RMP64: variants seen among roughly 807,000 people sequenced by gnomAD.
RMP64 encodes the protein nucleolus and neural progenitor protein.
At chr3:113,019,487 G>T in the RMP64 span, 2 of 1,444,160 alleles carry the variant, frequency 1.4e-6, no homozygotes, top group South Asian at 1.2e-5. Context: ...CGCCGGCTGG[G>T]CCTGGCGGCC....
At chr3:113,011,240 T>C in the RMP64 span, 2 of 1,613,148 alleles carry the variant, frequency 1.2e-6, no homozygotes, top group Non-Finnish European at 1.7e-6. Context: ...GGCATTTTTT[T>C]CTTAAAGGCT....
At chr3:113,005,492 C>T in the RMP64 span, 1 of 1,268,814 alleles carries the variant, frequency 7.9e-7, no homozygotes, top group South Asian at 1.3e-5. Flanking sequence ...GAACACTGAA[C>T]TAGCCTTGTT....
At chr3:113,005,601 T>C in the RMP64 span, 7 of 1,613,938 alleles carry the variant, frequency 4.3e-6, no homozygotes, top group Non-Finnish European at 5.9e-6. Context: ...CCTGATGTAC[T>C]GTTTTTATTT....
the RMP64 span, chr3:113,010,407 A>C: frequency 4.0e-6 from 2 of 497,934 alleles, no homozygotes; most frequent in Non-Finnish European, 7.1e-6. Context: ...CGGTTACTTT[A>C]AAATTCTAGA....
the RMP64 span, chr3:113,011,628 G>A: frequency 7.6e-4 from 284 of 374,940 alleles, 7 homozygotes; most frequent in South Asian, 0.024. Flanking sequence ...AGTCTACCAG[G>A]AAAGATATAT....
At chr3:113,006,356 C>G in the RMP64 span, among the ~76,000 whole-genome samples, 1 of 152,132 alleles carries the variant, frequency 6.6e-6, no homozygotes, top group African/African-American at 2.4e-5. Flanking sequence ...GAGGAAACAT[C>G]ACAAATGAAA....
At chr3:113,006,900 G>A in the RMP64 span, among the ~76,000 whole-genome samples, 9 of 152,118 alleles carry the variant, frequency 5.9e-5, no homozygotes, top group African/African-American at 1.4e-4. Context: ...GAATAATACT[G>A]TCTACCTCAC....
At chr3:113,019,411 C>CG in the RMP64 span, 1 of 697,268 alleles carries the variant, frequency 1.4e-6, no homozygotes, top group Non-Finnish European at 2.5e-6. Flanking sequence ...TCGACCCCTA[C>CG]GTGCCCCGCG....
the RMP64 span, among the ~76,000 whole-genome samples, chr3:113,013,776 A>C: frequency 3.3e-5 from 5 of 152,220 alleles, no homozygotes; most frequent in African/African-American, 1.2e-4. Flanking sequence ...TCACTCCCAT[A>C]GATCAATGTC....
chr3:113,017,651 T>A, the RMP64 span: 1 of 1,495,898 alleles, frequency 6.7e-7, no homozygotes, highest in Middle Eastern at 1.9e-4. Flanking sequence ...CTACAGTAAG[T>A]ATATTATATT....
chr3:113,005,899 C>G, the RMP64 span: 3 of 1,613,780 alleles, frequency 1.9e-6, no homozygotes, highest in Non-Finnish European at 2.5e-6. Context: ...AAAATTTATT[C>G]TGTGATCTTC....
the RMP64 span, chr3:113,019,042 C>T: frequency 1.3e-5 from 2 of 159,134 alleles, no homozygotes; most frequent in Non-Finnish European, 2.8e-5. Flanking sequence ...TCCCAACGCC[C>T]CTGTGAGGAG....
chr3:113,018,101 A>G, the RMP64 span, among the ~76,000 whole-genome samples: 1 of 152,222 alleles, frequency 6.6e-6, no homozygotes, highest in Non-Finnish European at 1.5e-5. Flanking sequence ...ACATATTCAG[A>G]AAAGAAAAAC....
the RMP64 span, chr3:113,010,507 C>A: frequency 6.0e-6 from 4 of 664,156 alleles, no homozygotes; most frequent in Non-Finnish European, 1.1e-5. Context: ...CATTCAGAAG[C>A]ACACACTGAC....
the RMP64 span, chr3:113,012,692 G>A: frequency 9.3e-7 from 1 of 1,075,096 alleles, no homozygotes; most frequent in Non-Finnish European, 1.4e-6. Context: ...AGGCTGAAAG[G>A]AGATGAGAAA....
the RMP64 span, chr3:113,019,274 C>A: frequency 1.2e-5 from 6 of 498,024 alleles, no homozygotes; most frequent in African/African-American, 6.1e-5. Context: ...CTCTCCGCCC[C>A]CTCAGCGCAC....
chr3:113,005,558 A>G, the RMP64 span: 36 of 1,611,890 alleles, frequency 2.2e-5, no homozygotes, highest in Non-Finnish European at 2.5e-5. Context: ...TAAAGCAAAA[A>G]TATCATCAAT....
the RMP64 span, among the ~76,000 whole-genome samples, chr3:113,013,597 T>C: frequency 6.6e-6 from 1 of 152,128 alleles, no homozygotes; most frequent in Non-Finnish European, 1.5e-5. Context: ...CTTCACATTT[T>C]CAGCTATGTG....
At chr3:113,013,465 T>G in the RMP64 span, 176 of 1,188,866 alleles carry the variant, frequency 1.5e-4, 1 homozygote, top group East Asian at 2.4e-4. Flanking sequence ...TTTTTTTGTT[T>G]TTTTTTTTTT....
Sources: gnomAD v4.1 joint callset for allele counts (sites outside exome capture counted in the v4.1 genomes callset) on GRCh38, gnomAD v4.1.1 for gene constraint, MANE v1.5 for transcripts, NCBI Gene and HGNC (gene_info 2026-07-23, HGNC 2026-07-21) for gene names.